The following UNC93A variants were observed in gnomAD, a reference collection of about 807,000 sequenced individuals.
The protein encoded by UNC93A is N-acetylglucosamine transporter UNC93A.
A neutral mutation model predicts 47.5 loss-of-function variants in UNC93A; 43 were observed. The observed-to-expected ratio is 0.91, with a 90% CI of 0.71 to 1.17. The LOEUF is 1.17. Among genes scored for constraint, UNC93A ranks in the 50% most tolerant of loss-of-function variants. UNC93A has a pLI of 0.00. For missense variants in UNC93A, 605 were observed against 577.6 expected (o/e 1.05, Z -0.49); for synonymous variants, 280 against 258.0 (o/e 1.09, Z -0.82).
chr6:167,308,180 G>A (rs1778456067), intron 7 of UNC93A, among the ~76,000 whole-genome samples: 1 of 152,192 alleles, frequency 6.6e-6, no homozygotes, highest in African/African-American at 2.4e-5. Context: ...CTTAAGTCAA[G>A]TCGCCCATTC....
At chr6:167,291,006 T>C (rs936502856), upstream of UNC93A, among the ~76,000 whole-genome samples, 4 of 152,230 alleles carry the variant, frequency 2.6e-5, no homozygotes, top group Admixed American at 2.0e-4. Flanking sequence ...AGTTGAACTA[T>C]GTGTCTTGAA....
rs146482775 is a variant in UNC93A, at chr6:167,315,253, C to A, written c.1175C>A (p.Ala392Asp). The A allele has an allele frequency of 1.2e-6, 2 of 1,613,800 alleles. No individual in the cohort carries two copies. Among genetic ancestry groups the A allele is most frequent in the East Asian group, 2.2e-5 (1 of 44,854 alleles). The change falls in exon 8 of 8, where the codon GCC becomes GAC. Residue 392 changes from alanine (A) to aspartate (D), a missense_variant. Physicochemically the swap from Ala to Asp is moderately radical, Grantham distance 126. Transcript: ENST00000230256. ...TTCGCCAATTACCGCCTGTGGGAGG[C>A]CCTGGGCTTCGTCATTGCCTTCGGG... ...AAFANYRLWEALGFVIAFGYS... is the reference protein window; with the variant it reads ...AAFANYRLWEDLGFVIAFGYS...
Position 167,306,019 on chromosome 6 carries a change from G to C in UNC93A, c.945G>C (p.Gln315His), listed in dbSNP as rs1395097840. The C allele has an allele frequency of 8.1e-6, 13 of 1,614,108 alleles. No homozygotes were observed. Among genetic ancestry groups the C allele is most frequent in the Non-Finnish European group, 1.1e-5 (13 of 1,180,060 alleles). ...CCGTGTTGTATGGAAAGGTCTCGCA[G>C]TACACGGGCAGGGCTGTGCTGTACG... Reference protein sequence around the residue: ...LCSVLYGKVSQYTGRAVLYVL... With the variant: ...LCSVLYGKVSHYTGRAVLYVL... The change falls in exon 6 of 8, where the codon CAG (glutamine) becomes CAC (histidine). Residue 315 changes from glutamine (Q) to histidine (H), a missense_variant. Coordinates refer to ENST00000230256, the MANE Select transcript of UNC93A (RefSeq NM_018974.4).
intron 4 of UNC93A, chr6:167,298,278 G>C: frequency 1.5e-6 from 1 of 670,994 alleles, no homozygotes; most frequent in Non-Finnish European, 2.3e-6. Context: ...GAGGATCCTG[G>C]GGTGATGAGA....
rs1309936406 is a variant in UNC93A, at chr6:167,315,421, C to A, written c.1343C>A (p.Ala448Glu). 3 of 1,613,838 alleles carry A rather than the reference C, an allele frequency of 1.9e-6. No individual in the cohort carries two copies. Among genetic ancestry groups the A allele is most frequent in the Admixed American group, 1.7e-5 (1 of 60,004 alleles). Reference protein sequence around the residue: ...RPHAPGQVNQAEDEEIQTKM With the variant: ...RPHAPGQVNQEEDEEIQTKM The stretch of plus-strand genomic sequence containing the variant: ...CACGCTCCAGGACAGGTCAACCAGG[C>A]AGAGGATGAAGAAATACAAACAAAA... Residue 448 changes from alanine to glutamate, a missense_variant, in exon 8 of 8, where the codon GCA (alanine) becomes GAA (glutamate). Coordinates refer to ENST00000230256, the MANE Select transcript of UNC93A (RefSeq NM_018974.4).
chr6:167,298,728 T>A (rs1354633667), intron 4 of UNC93A, among the ~76,000 whole-genome samples: 8 of 152,208 alleles, frequency 5.3e-5, no homozygotes, highest in African/African-American at 1.7e-4. Context: ...TAGTTTCATA[T>A]GTGACTTCAG....
rs1778373012 is a variant in UNC93A at position 167,305,920 on chromosome 6, TG to T, written c.847del (p.Val283SerfsTer13). 6.2e-7 allele frequency: 1 copy of T among 1,614,160 alleles called. No individual in the cohort carries two copies. The highest frequency in any genetic ancestry group is 8.5e-7 in the Non-Finnish European group (1 of 1,180,014). ...FLSSEYTRSY[V>X]TCTLGIQFVG... is the part of the protein sequence containing the mutation. ...CTCTGCACCCCTCTCCCCAGTCCTA[TG>T]TCACCTGCACCCTGGGCATCCAGTT... is the stretch of plus-strand genomic sequence containing the variant. On this transcript the variant is annotated frameshift_variant, in exon 6 of 8. Coordinates refer to ENST00000230256, the MANE Select transcript of UNC93A (RefSeq NM_018974.4). LOFTEE classifies it high-confidence loss of function.
chr6:167,305,772 C>A (rs1778368139), intron 5 of UNC93A, 143 bp from the exon 6 acceptor site: 1 of 1,155,858 alleles, frequency 8.7e-7, no homozygotes, highest in Non-Finnish European at 1.2e-6. Context: ...TGCATGGGAG[C>A]CACAGAGCCT....
chr6:167,309,659 C>G (rs1167248802), intron 7 of UNC93A, among the ~76,000 whole-genome samples: 1 of 152,190 alleles, frequency 6.6e-6, no homozygotes, highest in African/African-American at 2.4e-5. Flanking sequence ...GGCTGCTGTC[C>G]CTGCACTGAG....
chr6:167,308,455 AG>A (rs1778464353), intron 7 of UNC93A, among the ~76,000 whole-genome samples: 1 of 151,848 alleles, frequency 6.6e-6, no homozygotes, highest in African/African-American at 2.4e-5. Context: ...TGGGAGCAGC[AG>A]GTGGGGGCCC....
In UNC93A at chr6:167,306,634, C is replaced by T. The variant is rs569982619; in HGVS notation, c.976+584C>T. On this transcript the variant is annotated intron_variant, in intron 6 of 7. Transcript: ENST00000230256. ...CCCCAGGCAGGGCTGGGTGTGGGGG[C>T]GCAGCCAGAGGAAGGGCACACGGTG... Among the ~76,000 whole-genome samples the T allele has an allele frequency of 1.1e-4, 16 of 152,318 alleles. No individual in the cohort carries two copies. The East Asian group carries it at 1.9e-3, about 18-fold the overall frequency.
Position 167,294,531 on chromosome 6 carries a change from C to G in UNC93A, c.102C>G (p.Ser34Arg). 1 of 1,614,048 alleles carries G rather than the reference C, an allele frequency of 6.2e-7. No individual in the cohort carries two copies. Among genetic ancestry groups the G allele is most frequent in the Non-Finnish European group, 8.5e-7 (1 of 1,179,984 alleles). The part of the protein sequence containing the change: ...GLQSLQSSLY[S>R]EEGLGVTALS... Reference sequence around the variant, plus strand: ...TGTTCCCACAGAGCAGCCTGTACAGCGAGGAGGGCCTGGGTGTCACAGCGC... The same window carrying G: ...TGTTCCCACAGAGCAGCCTGTACAGGGAGGAGGGCCTGGGTGTCACAGCGC... The change falls in exon 2 of 8, where the codon AGC becomes AGG. Residue 34 changes from serine to arginine, a missense_variant. By Grantham distance (110) the Ser-to-Arg change is moderately radical (BLOSUM62 -1). Coordinates refer to ENST00000230256, the MANE Select transcript of UNC93A (RefSeq NM_018974.4).
At chr6:167,297,390 C>T (rs532643366) in intron 3 of UNC93A, among the ~76,000 whole-genome samples, 2 of 149,756 alleles carry the variant, frequency 1.3e-5, no homozygotes, top group South Asian at 4.4e-4. Context: ...TATTCTTTCT[C>T]CCACCACATC....
At chr6:167,286,895 T>TGTTC, upstream of UNC93A, among the ~76,000 whole-genome samples, 1 of 149,670 alleles carries the variant, frequency 6.7e-6, no homozygotes, top group Middle Eastern at 3.4e-3. Flanking sequence ...GGAGAATTGC[T>TGTTC]TGAACCCGGG....
chr6:167,305,780 C>A, intron 5 of UNC93A, 135 bp from the exon 6 acceptor site: 4 of 1,240,006 alleles, frequency 3.2e-6, no homozygotes, highest in South Asian at 2.7e-5. Flanking sequence ...AGCCACAGAG[C>A]CTAGAGGAAG....
upstream of UNC93A, among the ~76,000 whole-genome samples, chr6:167,290,935 G>C (rs1665725214): frequency 6.6e-6 from 1 of 152,148 alleles, no homozygotes; most frequent in South Asian, 2.1e-4. Context: ...AAACTGTACA[G>C]TCTTTGCAAT....
intron 1 of UNC93A, among the ~76,000 whole-genome samples, chr6:167,285,053 C>T (rs1445459479): frequency 1.3e-5 from 2 of 152,226 alleles, no homozygotes; most frequent in African/African-American, 4.8e-5. Flanking sequence ...CATAAGCCAA[C>T]CTGTTCCTTC....
At chr6:167,300,062 GGAAGA>G (rs10562304) in intron 4 of UNC93A, among the ~76,000 whole-genome samples, 3,410 of 138,622 alleles carry the variant, frequency 0.025, 152 homozygotes, top group African/African-American at 0.09. Flanking sequence ...CATGGTGTGG[GGAAGA>G]GAAGACAGCC....
At chr6:167,301,866 C>G (rs1176348320) in intron 4 of UNC93A, among the ~76,000 whole-genome samples, 1 of 152,146 alleles carries the variant, frequency 6.6e-6, no homozygotes, top group Non-Finnish European at 1.5e-5. Flanking sequence ...GGGCCCTGAT[C>G]ATTGTAAATA....
Sources: gnomAD v4.1 joint callset for allele counts (sites outside exome capture counted in the v4.1 genomes callset) on GRCh38, gnomAD v4.1.1 for gene constraint, MANE v1.5 for transcripts, NCBI Gene and HGNC (gene_info 2026-07-23, HGNC 2026-07-21) for gene names.